SS18L1: variants seen among roughly 807,000 people sequenced by gnomAD.
The protein encoded by SS18L1 is SS18L1 subunit of BAF chromatin remodeling complex.
In SS18L1, 32 loss-of-function variants were observed where a neutral mutation model predicts 70.3. The observed-to-expected ratio is 0.46, with a 90% CI of 0.34 to 0.61. SS18L1 has a LOEUF of 0.61. Ranked by LOEUF, SS18L1 falls within the 20% of genes least tolerant of loss-of-function variation. The pLI, the probability that SS18L1 is intolerant of heterozygous loss-of-function variation, is 0.01. For missense variants in SS18L1, 430 were observed against 542.1 expected, an observed-to-expected ratio of 0.79 and a Z score of 2.05; for synonymous variants, 237 against 229.7, an observed-to-expected ratio of 1.03 and a Z score of -0.29.
chr20:62,175,802 C>A (rs1482649776), intron 10 of SS18L1, among the ~76,000 whole-genome samples: 2 of 152,250 alleles, frequency 1.3e-5, no homozygotes, highest in African/African-American at 2.4e-5. Flanking sequence ...GTAGAGAAGC[C>A]TAAAGACCAT....
chr20:62,181,108 G>A lies in SS18L1; in HGVS notation c.*1900G>A. On this transcript the variant is annotated 3_prime_UTR_variant, in exon 11 of 11. Coordinates refer to ENST00000331758, the MANE Select transcript of SS18L1 (RefSeq NM_198935.3). ...CTTGCCTGTGTTGAATACCAGTCCT[G>A]TTCTAGGACATTCTCCCCTCTCCTA... is the stretch of plus-strand genomic sequence containing the variant. 5.2e-6 allele frequency: 1 copy of A among 190,614 alleles called. No individual in the cohort carries two copies. The highest frequency in any genetic ancestry group is 1.1e-5 in the Non-Finnish European group (1 of 90,876). 11.8% of individuals were successfully genotyped at this position (190,614 alleles called of 1,614,324 possible).
intron 8 of SS18L1, among the ~76,000 whole-genome samples, chr20:62,172,097 G>T (rs1043468356): frequency 6.6e-6 from 1 of 151,818 alleles, no homozygotes; most frequent in African/African-American, 2.4e-5. Flanking sequence ...GGGTGGGGCG[G>T]AGCTTGCACT....
intron 1 of SS18L1, among the ~76,000 whole-genome samples, chr20:62,155,514 G>A (rs549127185): frequency 2.8e-4 from 43 of 152,328 alleles, no homozygotes; most frequent in African/African-American, 9.1e-4. Context: ...AATGGCAGGT[G>A]GGGGCCGCAC....
chr20:62,162,056 AC>A (rs150229050), intron 4 of SS18L1, among the ~76,000 whole-genome samples: 8,368 of 152,162 alleles, frequency 0.055, 769 homozygotes, highest in African/African-American at 0.19. Context: ...CCCCATCTTT[AC>A]AAAAAATAAA....
chr20:62,179,272 C>A lies in SS18L1; in HGVS notation c.*64C>A. 1 of 1,584,714 alleles carries A rather than the reference C, an allele frequency of 6.3e-7. No homozygotes were observed. Among genetic ancestry groups the A allele is most frequent in the Non-Finnish European group, 8.7e-7 (1 of 1,153,580 alleles). ...TTCATCCAGGGGCCGGATGGGCTGGCGGCAGCTCTGGTGAATTGTGACATG... is the reference window on the plus strand; with the variant it reads ...TTCATCCAGGGGCCGGATGGGCTGGAGGCAGCTCTGGTGAATTGTGACATG... On this transcript the variant is annotated 3_prime_UTR_variant, in exon 11 of 11. Coordinates refer to ENST00000331758, the MANE Select transcript of SS18L1 (RefSeq NM_198935.3).
At chr20:62,157,584 A>AC (rs1290536454) in intron 1 of SS18L1, among the ~76,000 whole-genome samples, 9 of 151,894 alleles carry the variant, frequency 5.9e-5, no homozygotes, top group Non-Finnish European at 1.5e-5. Context: ...CTGCAGAGAG[A>AC]CCCCTGGCCC....
At chr20:62,162,492 CG>C (rs2057347797) in intron 4 of SS18L1, 1 of 390,492 alleles carries the variant, frequency 2.6e-6, no homozygotes, top group Non-Finnish European at 4.6e-6. Flanking sequence ...TTAGTAGAGA[CG>C]GGGTTTCACC....
In SS18L1 at chr20:62,161,584, A is replaced by C; in HGVS notation, c.376+4A>C. ...CTGCAGGGCCAGATTGGCAACGGTG[A>C]GTGCGGCGGGGGAGGAGGACGTTCC... On this transcript the variant is annotated splice_donor_region_variant and intron_variant, in intron 4 of 10. Transcript: ENST00000331758. The surrounding 1 kb of genome is among the most constrained non-coding windows in gnomAD (Gnocchi z 4.4). The C allele has an allele frequency of 6.2e-7, 1 of 1,604,048 alleles. No homozygotes were observed. The highest frequency in any genetic ancestry group is 8.5e-7 in the Non-Finnish European group (1 of 1,172,788).
chr20:62,154,637 G>A (rs1249999696), intron 1 of SS18L1, among the ~76,000 whole-genome samples: 6 of 152,198 alleles, frequency 3.9e-5, no homozygotes, highest in African/African-American at 7.2e-5. Flanking sequence ...AGGAGGCTCC[G>A]TGCTGTCGGA....
At position 62,165,496 on chromosome 20, in the gene SS18L1, C is replaced by A; in HGVS notation, c.898C>A (p.Gln300Lys). Reference sequence around the variant, plus strand: ...CGACCGGTCCTTCGAGGAGTCCACGCAGCACTACTATGAGGGGGGTAAGGA... The same window carrying A: ...CGACCGGTCCTTCGAGGAGTCCACGAAGCACTACTATGAGGGGGGTAAGGA... The part of the protein sequence containing the change: ...SYDRSFEEST[Q>K]HYYEGGNSQY... Residue 300 changes from glutamine to lysine, a missense_variant, in exon 8 of 11, where the codon CAG becomes AAG. Gln to Lys is a moderately conservative substitution (Grantham distance 53, BLOSUM62 1). Coordinates refer to ENST00000331758, the MANE Select transcript of SS18L1 (RefSeq NM_198935.3). 3 of 1,612,498 alleles carry A rather than the reference C, an allele frequency of 1.9e-6. No individual in the cohort carries two copies. Among genetic ancestry groups the A allele is most frequent in the Non-Finnish European group, 1.7e-6 (2 of 1,179,606 alleles).
Position 62,180,940 on chromosome 20 carries a change from T to A in SS18L1, c.*1732T>A. The A allele has an allele frequency of 5.6e-6, 1 of 178,044 alleles. No individual in the cohort carries two copies. The highest frequency in any genetic ancestry group is 2.0e-4 in the South Asian group (1 of 5,024). The allele number at this position is 178,044 out of a possible 1,614,324, so 11.0% of individuals were successfully genotyped here. ...TAAATAAATAAGTTAAAATTAATTC[T>A]TTATCCAGAGTCGGGTGCTTTAGAA... On this transcript the variant is annotated 3_prime_UTR_variant, in exon 11 of 11. Coordinates refer to ENST00000331758, the MANE Select transcript of SS18L1 (RefSeq NM_198935.3).
chr20:62,146,671 G>A (rs914328330), intron 1 of SS18L1, among the ~76,000 whole-genome samples: 1 of 132,380 alleles, frequency 7.6e-6, no homozygotes, highest in African/African-American at 2.8e-5. Context: ...GTGCAGTGGC[G>A]CGATCTCGGG....
intron 1 of SS18L1, among the ~76,000 whole-genome samples, chr20:62,151,821 G>T (rs1357674082): frequency 2.6e-5 from 3 of 115,994 alleles, no homozygotes; most frequent in Non-Finnish European, 3.7e-5. Flanking sequence ...CTCTTTTCCC[G>T]CTCCCCATAG....
rs746062944 is a variant in SS18L1 at position 62,163,611 on chromosome 20, C to A, written c.710C>A (p.Pro237His). Residue 237 changes from proline to histidine, a missense_variant, in exon 6 of 11, where the codon CCC becomes CAC. By Grantham distance (77) the Pro-to-His change is moderately conservative. Transcript: ENST00000331758. ...MGQRPMAPYR[P>H]SQQGSSQQYL... ...CAGCGGCCCATGGCGCCCTACCGGC[C>A]CTCCCAGCAAGGTAACGCCCGGCCG... is the stretch of plus-strand genomic sequence containing the variant. The A allele has an allele frequency of 2.5e-6, 4 of 1,594,130 alleles. No individual in the cohort carries two copies. The highest frequency in any genetic ancestry group is 1.7e-5 in the Admixed American group (1 of 58,260).
intron 1 of SS18L1, among the ~76,000 whole-genome samples, chr20:62,146,694 G>A (rs975583309): frequency 2.5e-4 from 32 of 127,888 alleles, no homozygotes; most frequent in African/African-American, 7.9e-4. Context: ...CACAACCTCC[G>A]CGCCCCCGCC....
At chr20:62,162,272 G>A (rs11907192) in intron 4 of SS18L1, among the ~76,000 whole-genome samples, 27,386 of 152,038 alleles carry the variant, frequency 0.18, 5,585 homozygotes, top group African/African-American at 0.51. Context: ...TTCATCCTGT[G>A]CTTTGCTAGC....
At position 62,161,112 on chromosome 20, in the gene SS18L1, G is replaced by T. The variant is rs911495764; in HGVS notation, c.232-324G>T. On this transcript the variant is annotated intron_variant, in intron 3 of 10. Coordinates refer to ENST00000331758, the MANE Select transcript of SS18L1 (RefSeq NM_198935.3). This position sits in a 1 kb window ranked among gnomAD's most constrained non-coding sequence, Gnocchi z 4.4. The stretch of plus-strand genomic sequence containing the variant: ...GTCACCTGCGCCCGAGGGGGACGGG[G>T]TGCGTTCAGCCTGGTGGGCCGGGAA... Among the ~76,000 whole-genome samples, 6 of 151,614 alleles carry T rather than the reference G, an allele frequency of 4.0e-5. No homozygotes were observed. Among genetic ancestry groups the T allele is most frequent in the Non-Finnish European group, 8.8e-5 (6 of 67,948 alleles).
intron 7 of SS18L1, 83 bp downstream of exon 7, chr20:62,164,329 G>A: frequency 7.5e-7 from 1 of 1,328,202 alleles, no homozygotes; most frequent in Non-Finnish European, 1.0e-6. Flanking sequence ...CAAGGAGGGT[G>A]TGGCCACTGC....
At chr20:62,144,424 GC>G (rs2056984641) in intron 1 of SS18L1, among the ~76,000 whole-genome samples, 2 of 152,232 alleles carry the variant, frequency 1.3e-5, no homozygotes, top group Non-Finnish European at 2.9e-5. Flanking sequence ...GGCCGGGGCT[GC>G]CCCTCTTGCT....
Sources: allele counts gnomAD v4.1 joint callset (sites outside exome capture counted in the v4.1 genomes callset), GRCh38; gene constraint gnomAD v4.1.1; non-coding constraint Gnocchi (gnomAD v3.1); transcripts MANE v1.5; gene names NCBI Gene and HGNC (gene_info 2026-07-23, HGNC 2026-07-21).